Variants in NME9 observed in about 807,000 individuals in gnomAD.
NME9 encodes NME/NM23 family member 9.
A neutral mutation model predicts 44.4 loss-of-function variants in NME9; 48 were observed. The observed-to-expected ratio is 1.08, with a 90% CI of 0.86 to 1.37. NME9 has a LOEUF of 1.37. NME9 is among the 40% of genes most tolerant of loss of function. The pLI, the probability that NME9 is intolerant of heterozygous loss-of-function variation, is 0.00. For missense variants in NME9, 325 were observed against 405.2 expected (o/e 0.80, Z 1.70); for synonymous variants, 139 against 147.1 (o/e 0.94, Z 0.40).
At chr3:138,276,498 T>TTGGAAAGG (rs1299588837) in intron 8 of NME9, among the ~76,000 whole-genome samples, 4 of 152,118 alleles carry the variant, frequency 2.6e-5, no homozygotes, top group Non-Finnish European at 5.9e-5. Flanking sequence ...ATAAGAGGTA[T>TTGGAAAGG]ACAGATTGGA....
intron 3 of NME9, among the ~76,000 whole-genome samples, chr3:138,319,060 T>C (rs1382698266): frequency 2.0e-5 from 3 of 152,068 alleles, no homozygotes; most frequent in Non-Finnish European, 4.4e-5. Flanking sequence ...TAGTCAAGCA[T>C]GGTGGCATGT....
chr3:138,294,419 T>C (rs941962141), intron 8 of NME9, among the ~76,000 whole-genome samples: 1 of 152,198 alleles, frequency 6.6e-6, no homozygotes, highest in Non-Finnish European at 1.5e-5. Context: ...ATTCATAAAC[T>C]TGTTTCTGAA....
intron 8 of NME9, among the ~76,000 whole-genome samples, chr3:138,278,406 A>G (rs993266220): frequency 6.6e-6 from 1 of 152,064 alleles, no homozygotes; most frequent in Non-Finnish European, 1.5e-5. Flanking sequence ...CGGGAGGCTG[A>G]GGCAGGAGAA....
chr3:138,329,650 T>C lies in NME9; in HGVS notation c.-315A>G. 1 of 1,221,354 alleles carries C rather than the reference T, an allele frequency of 8.2e-7. No homozygotes were observed. The highest frequency in any genetic ancestry group is 1.0e-6 in the Non-Finnish European group (1 of 977,652). The allele number at this position is 1,221,354 out of a possible 1,614,324, so 75.7% of individuals were successfully genotyped here. A position where few individuals can be genotyped will look rare whatever the true frequency, so the allele number is the denominator to read the frequency against. ...GGGCGCGCGCAGAGGCCGGAGTCAG[T>C]GCGCCGGGCGCGGTGCAGCCTGTCG... On this transcript the variant is annotated 5_prime_UTR_variant, in exon 1 of 11. Coordinates refer to ENST00000333911, the MANE Select transcript of NME9 (RefSeq NM_001349018.2).
At chr3:138,311,817 C>T (rs1445442736) in intron 6 of NME9, among the ~76,000 whole-genome samples, 1 of 151,966 alleles carries the variant, frequency 6.6e-6, no homozygotes, top group African/African-American at 2.4e-5. Context: ...AGCCTTCCCT[C>T]AAAAATCTCG....
intron 8 of NME9, among the ~76,000 whole-genome samples, chr3:138,293,073 C>G (rs1159091743): frequency 6.6e-6 from 1 of 152,184 alleles, no homozygotes; most frequent in African/African-American, 2.4e-5. Flanking sequence ...CTTTTGTGCT[C>G]CTGTAGCATC....
At chr3:138,311,190 C>T (rs1438685332) in intron 6 of NME9, among the ~76,000 whole-genome samples, 1 of 152,034 alleles carries the variant, frequency 6.6e-6, no homozygotes, top group Non-Finnish European at 1.5e-5. Context: ...AAGATTGAAC[C>T]ATGAAGAAAT....
intron 5 of NME9, among the ~76,000 whole-genome samples, chr3:138,314,663 T>C (rs918530471): frequency 2.0e-5 from 3 of 152,124 alleles, no homozygotes; most frequent in East Asian, 1.9e-4. Context: ...TAAGTAGAGA[T>C]AGTTGATAAG....
chr3:138,320,282 C>A (rs1440906209), intron 2 of NME9, among the ~76,000 whole-genome samples: 1 of 152,150 alleles, frequency 6.6e-6, no homozygotes, highest in Admixed American at 6.5e-5. Flanking sequence ...CTGTGCAGGA[C>A]CTGCCCCACG....
At chr3:138,269,020 G>A (rs1345136118) in intron 8 of NME9, among the ~76,000 whole-genome samples, 1 of 152,082 alleles carries the variant, frequency 6.6e-6, no homozygotes, top group Non-Finnish European at 1.5e-5. Flanking sequence ...CATGATGTAC[G>A]CATCCTACTT....
Position 138,306,416 on chromosome 3 carries a change from A to G in NME9, c.525T>C (p.Thr175=). 6.2e-7 allele frequency: 1 copy of G among 1,612,062 alleles called. No homozygotes were observed. ...CTCTTACCTTCATGATAATCTCATCAGTCTTTCCATGGGCCACTGCATCTG... is the reference window on the plus strand; with the variant it reads ...CTCTTACCTTCATGATAATCTCATCGGTCTTTCCATGGGCCACTGCATCTG... ...IKPDAVAHGK[T]DEIIMKIQEA... The change falls in exon 7 of 11, where the codon ACT becomes ACC. Residue 175 remains threonine, a synonymous_variant. Transcript: ENST00000333911.
chr3:138,268,580 C>T (rs1258874221), intron 8 of NME9, among the ~76,000 whole-genome samples: 2 of 152,094 alleles, frequency 1.3e-5, no homozygotes, highest in African/African-American at 4.8e-5. Flanking sequence ...AATTAACTCC[C>T]AACCGGGGCA....
chr3:138,319,896 C>T (rs998825258), intron 2 of NME9, among the ~76,000 whole-genome samples: 1 of 152,154 alleles, frequency 6.6e-6, no homozygotes, highest in African/African-American at 2.4e-5. Context: ...CAGGGTGGCC[C>T]TCAATTATAT....
chr3:138,284,830 C>G (rs1176329417), intron 8 of NME9, among the ~76,000 whole-genome samples: 2 of 152,210 alleles, frequency 1.3e-5, no homozygotes, highest in Non-Finnish European at 2.9e-5. Context: ...CCTCCAGTCC[C>G]TGTCTTCTGT....
chr3:138,262,462 C>T (rs1306741364), exon 9 of NME9: 4 of 1,498,648 alleles, frequency 2.7e-6, no homozygotes, highest in Admixed American at 4.0e-5. Context: ...ATATTTTCTT[C>T]TCTTCTTGTT....
downstream of NME9, among the ~76,000 whole-genome samples, chr3:138,298,597 C>T (rs2051678751): frequency 6.6e-6 from 1 of 152,106 alleles, no homozygotes; most frequent in Non-Finnish European, 1.5e-5. Context: ...CTTCTGAAGG[C>T]CAGCAGACCC....
chr3:138,277,875 A>T (rs1387911035), intron 8 of NME9, among the ~76,000 whole-genome samples: 2 of 152,194 alleles, frequency 1.3e-5, no homozygotes, highest in East Asian at 3.9e-4. Context: ...ACATCCCTCA[A>T]CAAACTATGG....
intron 6 of NME9, among the ~76,000 whole-genome samples, chr3:138,311,107 A>G (rs1340532126): frequency 6.6e-6 from 1 of 152,222 alleles, no homozygotes; most frequent in Non-Finnish European, 1.5e-5. Context: ...AGACACTGTT[A>G]TGAACAACTA....
chr3:138,289,630 C>G (rs2050754378), intron 8 of NME9, among the ~76,000 whole-genome samples: 1 of 152,016 alleles, frequency 6.6e-6, no homozygotes. Flanking sequence ...TTAGAATCAC[C>G]TGGGAATTTT....
Sources: allele counts gnomAD v4.1 joint callset (sites outside exome capture counted in the v4.1 genomes callset), GRCh38; gene constraint gnomAD v4.1.1; transcripts MANE v1.5; gene names NCBI Gene and HGNC (gene_info 2026-07-23, HGNC 2026-07-21).